The following ZNF706 variants were observed in gnomAD, a reference collection of about 807,000 sequenced individuals.
ZNF706 encodes zinc finger protein 706.
Under a neutral mutation model 9.2 loss-of-function variants are expected in ZNF706, and 4 were observed. The ratio of observed to expected loss-of-function variants is 0.43; its 90% CI spans 0.21 to 0.99. The LOEUF is 0.99. ZNF706 is among the 50% of genes least tolerant of loss of function. ZNF706 has a pLI of 0.26. For synonymous variants in ZNF706, 28 were observed against 27.3 expected (o/e 1.03, Z -0.08); for missense variants, 27 against 87.8 (o/e 0.31, Z 2.77).
chr8:101,201,885 A>C lies in ZNF706; in HGVS notation c.-2-142T>G. On this transcript the variant is annotated intron_variant, in intron 1 of 3. Transcript: ENST00000311212. The surrounding 1 kb of genome is among the most constrained non-coding windows in gnomAD (Gnocchi z 4.5). The stretch of plus-strand genomic sequence containing the variant: ...AAAATTTATAGGTATTAAAATTCCC[A>C]CATATAAATGCTACAAAAGTATCAA... 2.3e-6 allele frequency: 2 copies of C among 880,880 alleles called. No individual in the cohort carries two copies. The highest frequency in any genetic ancestry group is 1.8e-5 in the South Asian group (1 of 54,330). The allele number at this position is 880,880 out of a possible 1,614,324, so 54.6% of individuals were successfully genotyped here. A position where few individuals can be genotyped will look rare whatever the true frequency, so the allele number is the denominator to read the frequency against.
In ZNF706 at chr8:101,204,677, G is replaced by T. The variant is rs1467216725; in HGVS notation, c.-3+758C>A. ...GCTGGTTTTTAATGCAACTCTCAGT[G>T]TGGTTTTCCGAGGGGGCTGCAAAGA... On this transcript the variant is annotated intron_variant, in intron 1 of 3. Transcript: ENST00000311212. 70 of 985,454 alleles carry T rather than the reference G, an allele frequency of 7.1e-5. 1 individual carries two copies. The South Asian group carries it at 2.8e-3, about 39-fold the overall frequency. The allele number at this position is 985,454 out of a possible 1,614,324, so 61.0% of individuals were successfully genotyped here. A position where few individuals can be genotyped will look rare whatever the true frequency, so the allele number is the denominator to read the frequency against.
intron 2 of ZNF706, chr8:101,200,980 A>T: frequency 3.8e-6 from 1 of 262,486 alleles, no homozygotes; most frequent in Non-Finnish European, 7.9e-6. Context: ...CAAATTGTTT[A>T]ATTTCCATTA....
Position 101,201,844 on chromosome 8 carries a change from A to G in ZNF706, c.-2-101T>C, listed in dbSNP as rs1810569598. 2 of 1,252,478 alleles carry G rather than the reference A, an allele frequency of 1.6e-6. No homozygotes were observed. The highest frequency in any genetic ancestry group is 2.6e-5 in the Admixed American group (1 of 38,710). 77.6% of individuals were successfully genotyped at this position (1,252,478 alleles called of 1,614,324 possible). On this transcript the variant is annotated intron_variant, in intron 1 of 3. Coordinates refer to ENST00000311212, the MANE Select transcript of ZNF706 (RefSeq NM_016096.5). The surrounding 1 kb of genome is among the most constrained non-coding windows in gnomAD (Gnocchi z 4.5). ...AGAATTGAAGCCTTAAGTTTTATAG[A>G]AATATCTGGCAAATAAAAATTTATA...
In ZNF706 at chr8:101,205,168, ACT is replaced by A. The variant is rs1454926424; in HGVS notation, c.-3+265_-3+266del. The A allele has an allele frequency of 1.3e-5, 2 of 154,494 alleles. No individual in the cohort carries two copies. Among genetic ancestry groups the A allele is most frequent in the African/African-American group, 4.8e-5 (2 of 41,290 alleles). The allele number at this position is 154,494 out of a possible 1,614,324, so 9.6% of individuals were successfully genotyped here. ...CCCCTGCGTCCACCGGGAGCGCCAC[ACT>A]CTGGCAGCTGACCGGCGGCTGTCGC... is the stretch of plus-strand genomic sequence containing the variant. On this transcript the variant is annotated intron_variant, in intron 1 of 3. Transcript: ENST00000311212. The surrounding 1 kb of genome is among the most constrained non-coding windows in gnomAD (Gnocchi z 6.6).
In ZNF706 at chr8:101,199,972, G is replaced by T. The variant is rs1336945853; in HGVS notation, c.*12+18C>A. On this transcript the variant is annotated intron_variant, in intron 3 of 3. Coordinates refer to ENST00000311212, the MANE Select transcript of ZNF706 (RefSeq NM_016096.5). ...CAACCCTGTTATTAACAAACCAATA[G>T]AAAAAGAGGTGAGTTACCTGTAAAC... The T allele has an allele frequency of 1.3e-6, 2 of 1,561,286 alleles. No individual in the cohort carries two copies. The highest frequency in any genetic ancestry group is 8.8e-7 in the Non-Finnish European group (1 of 1,134,350).
At chr8:101,205,818 A>G (rs565830723), upstream of ZNF706, 1 of 152,168 alleles carries the variant, frequency 6.6e-6, no homozygotes, top group South Asian at 2.1e-4. This position sits in a 1 kb window ranked among gnomAD's most constrained non-coding sequence, Gnocchi z 6.6. Flanking sequence ...CCCCTATTAC[A>G]TAAGCGCGAG....
In ZNF706 at chr8:101,198,040, G is replaced by A. The variant is rs993220534; in HGVS notation, c.*1212C>T. ...AGTTAACAGCAGTTTTACAAGTTAA[G>A]AGTTGACACAAGCAAATTAGAAGAA... On this transcript the variant is annotated 3_prime_UTR_variant, in exon 4 of 4. Transcript: ENST00000311212. 3 of 152,192 alleles carry A rather than the reference G, an allele frequency of 2.0e-5. No homozygotes were observed. Among genetic ancestry groups the A allele is most frequent in the Admixed American group, 2.0e-4 (3 of 15,286 alleles). 9.4% of individuals were successfully genotyped at this position (152,192 alleles called of 1,614,324 possible).
intron 2 of ZNF706, 185 bp from the exon 3 acceptor site, chr8:101,200,282 T>G: frequency 1.9e-6 from 1 of 516,230 alleles, no homozygotes. Context: ...GTTCCCACAT[T>G]TCACCTATAA....
In ZNF706 at chr8:101,199,017, T is replaced by G. The variant is rs559170063; in HGVS notation, c.*235A>C. ...CAATATAATTACAATTGTAAAAAAA[T>G]TTTTTATAACAAGGATGGACTGATT... On this transcript the variant is annotated 3_prime_UTR_variant, in exon 4 of 4. Transcript: ENST00000311212. 15 of 421,512 alleles carry G rather than the reference T, an allele frequency of 3.6e-5. No homozygotes were observed. Among genetic ancestry groups the G allele is most frequent in the Non-Finnish European group, 5.5e-5 (13 of 237,552 alleles). 26.1% of individuals were successfully genotyped at this position (421,512 alleles called of 1,614,324 possible).
chr8:101,200,197 CA>C, intron 2 of ZNF706, 100 bp from the exon 3 acceptor site: 10 of 887,624 alleles, frequency 1.1e-5, no homozygotes, highest in East Asian at 2.7e-5. Context: ...ACAATTATCC[CA>C]AAAACACCTT....
At chr8:101,204,624 G>A (rs1810684399) in intron 1 of ZNF706, 1 of 985,206 alleles carries the variant, frequency 1.0e-6, no homozygotes, top group East Asian at 1.1e-4. Flanking sequence ...CAAACTGGAG[G>A]GAAAAAGTCA....
At chr8:101,202,865 TAA>T (rs1179948260) in intron 1 of ZNF706, 1 of 152,228 alleles carries the variant, frequency 6.6e-6, no homozygotes, top group Non-Finnish European at 1.5e-5. Flanking sequence ...TTTATAACTT[TAA>T]GAGAAATAAA....
At chr8:101,199,511 C>A (rs1419185887) in intron 3 of ZNF706, among the ~76,000 whole-genome samples, 1 of 152,094 alleles carries the variant, frequency 6.6e-6, no homozygotes, top group East Asian at 1.9e-4. Flanking sequence ...AATTTATAAA[C>A]AAATTTATAT....
intron 1 of ZNF706, chr8:101,204,922 G>C (rs999389340): frequency 1.0e-6 from 1 of 985,560 alleles, no homozygotes. Flanking sequence ...ATCGTTTTGG[G>C]GAGAGGAGAG....
At position 101,205,512 on chromosome 8, in the gene ZNF706, G is replaced by C. The variant is rs1389966648; in HGVS notation, c.-80C>G. On this transcript the variant is annotated 5_prime_UTR_variant, in exon 1 of 4. Transcript: ENST00000311212. The surrounding 1 kb of genome is among the most constrained non-coding windows in gnomAD (Gnocchi z 6.6). ...GAGAGGACGCCGGAGGGAAAGGAAGGGGGAGCGCGCCCAGCACCGCTTGGG... is the reference window on the plus strand; with the variant it reads ...GAGAGGACGCCGGAGGGAAAGGAAGCGGGAGCGCGCCCAGCACCGCTTGGG... 3 of 155,126 alleles carry C rather than the reference G, an allele frequency of 1.9e-5. No homozygotes were observed. The highest frequency in any genetic ancestry group is 1.9e-4 in the East Asian group (1 of 5,258). 9.6% of individuals were successfully genotyped at this position (155,126 alleles called of 1,614,324 possible).
At chr8:101,199,382 G>A in intron 3 of ZNF706, 143 bp from the exon 4 acceptor site, 3 of 563,470 alleles carry the variant, frequency 5.3e-6, no homozygotes, top group Non-Finnish European at 6.3e-6. Context: ...GAACTCTGAA[G>A]AATTTATTTT....
Position 101,201,901 on chromosome 8 carries a change from A to C in ZNF706, c.-2-158T>G, listed in dbSNP as rs1335198948. On this transcript the variant is annotated intron_variant, in intron 1 of 3. Transcript: ENST00000311212. The surrounding 1 kb of genome is among the most constrained non-coding windows in gnomAD (Gnocchi z 4.5). ...AAAATTCCCACATATAAATGCTACA[A>C]AAGTATCAATTGACACAACCCTGTG... Among the ~76,000 whole-genome samples the C allele has an allele frequency of 6.6e-6, 1 of 152,220 alleles. No homozygotes were observed. The highest frequency in any genetic ancestry group is 1.5e-5 in the Non-Finnish European group (1 of 68,036).
intron 1 of ZNF706, chr8:101,202,643 T>C (rs1810604137): frequency 6.6e-6 from 1 of 152,158 alleles, no homozygotes; most frequent in Non-Finnish European, 1.5e-5. Flanking sequence ...AGACAGGACA[T>C]GAAGGGGACT....
chr8:101,200,755 G>A (rs1173669890), intron 2 of ZNF706: 2 of 153,848 alleles, frequency 1.3e-5, no homozygotes, highest in Non-Finnish European at 2.9e-5. Flanking sequence ...GAGTGTATAT[G>A]TAGTGTACTA....
Sources: gnomAD v4.1 joint callset for allele counts (sites outside exome capture counted in the v4.1 genomes callset) on GRCh38, gnomAD v4.1.1 for gene constraint, Gnocchi (gnomAD v3.1) non-coding constraint, MANE v1.5 for transcripts, NCBI Gene and HGNC (gene_info 2026-07-23, HGNC 2026-07-21) for gene names.